Variants in GRM5 observed in about 807,000 individuals in gnomAD.
GRM5 encodes the protein glutamate metabotropic receptor 5.
GRM5 carries 19 observed loss-of-function variants against 83.1 expected under a neutral mutation model. The ratio of observed to expected loss-of-function variants is 0.23; its 90% confidence interval spans 0.16 to 0.34. The LOEUF (loss-of-function observed/expected upper bound fraction) is 0.34. GRM5 is among the 10% of genes least tolerant of loss of function. The pLI, the probability that GRM5 is intolerant of heterozygous loss-of-function variation, is 1.00. For synonymous variants in GRM5, 675 were observed against 633.6 expected (o/e 1.07, Z -0.98); for missense variants, 1,160 against 1,588.3 (o/e 0.73, Z 4.58).
intron 8 of GRM5, among the ~76,000 whole-genome samples, chr11:88,531,834 C>A (rs796852889): frequency 2.0e-5 from 3 of 152,170 alleles, no homozygotes; most frequent in African/African-American, 7.2e-5. Context: ...TTTTCTTTCG[C>A]CACTTTCTCT....
chr11:88,750,589 T>G (rs998289957), intron 3 of GRM5, among the ~76,000 whole-genome samples: 1 of 151,590 alleles, frequency 6.6e-6, no homozygotes, highest in African/African-American at 2.4e-5. Flanking sequence ...GTGGCCCTGA[T>G]AGATATCTAC....
At chr11:88,657,620 C>G (rs962483916) in intron 3 of GRM5, among the ~76,000 whole-genome samples, 1 of 152,128 alleles carries the variant, frequency 6.6e-6, no homozygotes, top group African/African-American at 2.4e-5. Context: ...CTTCCCCTTT[C>G]TCCTTTCAAC....
chr11:88,794,985 T>G (rs1943249291), intron 3 of GRM5, among the ~76,000 whole-genome samples: 1 of 152,216 alleles, frequency 6.6e-6, no homozygotes, highest in Admixed American at 6.5e-5. Context: ...AGAAAGAATT[T>G]CCACTGTGTG....
rs191252167 is a variant in GRM5 at position 88,899,588 on chromosome 11, T to G, written c.662-49433A>C. ...GACTGATTTACCACCAAAGATTACT[T>G]TATAATAATAACCTACAGTTTGAAA... On this transcript the variant is annotated intron_variant, in intron 2 of 9. Coordinates refer to ENST00000305447, the MANE Select transcript of GRM5 (RefSeq NM_001143831.3). Among the ~76,000 whole-genome samples the G allele has an allele frequency of 4.4e-4, 67 of 152,078 alleles. 2 individuals carry two copies. The East Asian group carries it at 0.012, about 27-fold the overall frequency.
chr11:88,720,821 CGTGTGTGT>C (rs869078157), intron 3 of GRM5, among the ~76,000 whole-genome samples: 1 of 137,148 alleles, frequency 7.3e-6, no homozygotes, highest in African/African-American at 2.7e-5. Flanking sequence ...TGTGTGTGTG[CGTGTGTGT>C]GTGTGTGTGT....
chr11:88,841,415 T>C (rs1206549261), intron 3 of GRM5, among the ~76,000 whole-genome samples: 2 of 152,186 alleles, frequency 1.3e-5, no homozygotes, highest in African/African-American at 4.8e-5. Context: ...TTTGAGTAAG[T>C]CATCCTTTAA....
At chr11:88,881,336 A>AC (rs1944950721) in intron 2 of GRM5, among the ~76,000 whole-genome samples, 1 of 151,850 alleles carries the variant, frequency 6.6e-6, no homozygotes, top group Non-Finnish European at 1.5e-5. Flanking sequence ...AAAAAAAAAA[A>AC]CTGTCACCTT....
chr11:88,607,471 C>G (rs538645769), intron 4 of GRM5, among the ~76,000 whole-genome samples: 2 of 152,286 alleles, frequency 1.3e-5, no homozygotes, highest in South Asian at 2.1e-4. Flanking sequence ...CCTGCTTTCT[C>G]CTTTTGCCCA....
At position 88,916,842 on chromosome 11, in the gene GRM5, A is replaced by G. The variant is rs181605376; in HGVS notation, c.662-66687T>C. On this transcript the variant is annotated intron_variant, in intron 2 of 9. Transcript: ENST00000305447. The stretch of plus-strand genomic sequence containing the variant: ...GTACAATAAAGCACAAATCTAATCC[A>G]TAAAGACCCCAATACTAGGACATAG... Among the ~76,000 whole-genome samples the G allele has an allele frequency of 1.4e-3, 212 of 152,250 alleles. 1 individual carries two copies. Among genetic ancestry groups the G allele is most frequent in the African/African-American group, 4.9e-3 (202 of 41,550 alleles).
At chr11:88,963,409 G>A (rs1186231875) in intron 2 of GRM5, among the ~76,000 whole-genome samples, 1 of 152,160 alleles carries the variant, frequency 6.6e-6, no homozygotes, top group Non-Finnish European at 1.5e-5. Context: ...TGCCATTTAT[G>A]TTAGTTTTGA....
chr11:88,921,918 C>CAAAAAA (rs59956434), intron 2 of GRM5, among the ~76,000 whole-genome samples: 2 of 149,690 alleles, frequency 1.3e-5, no homozygotes, highest in African/African-American at 4.9e-5. Flanking sequence ...AATAAAAATA[C>CAAAAAA]AAAAAAAACC....
intron 2 of GRM5, among the ~76,000 whole-genome samples, chr11:89,019,743 A>G (rs186247707): frequency 1.5e-4 from 23 of 152,196 alleles, no homozygotes; most frequent in Non-Finnish European, 2.6e-4. Context: ...TTTATCTCCA[A>G]TACTTCCCAA....
At chr11:88,785,853 T>C (rs1419507081) in intron 3 of GRM5, among the ~76,000 whole-genome samples, 2 of 152,060 alleles carry the variant, frequency 1.3e-5, no homozygotes, top group African/African-American at 4.8e-5. Context: ...GGGTGGAAAG[T>C]AAACTACTGG....
rs1941220099 is a variant in GRM5 at position 88,507,849 on chromosome 11, G to A, written c.*743C>T. On this transcript the variant is annotated 3_prime_UTR_variant, in exon 10 of 10. Coordinates refer to ENST00000305447, the MANE Select transcript of GRM5 (RefSeq NM_001143831.3). Reference sequence around the variant, plus strand: ...TGAAATAGTCAAGAAATCTTCCACTGGTTTTCTTGGTTAATGGAGGTGAAT... The same window carrying A: ...TGAAATAGTCAAGAAATCTTCCACTAGTTTTCTTGGTTAATGGAGGTGAAT... 2.0e-5 allele frequency: 3 copies of A among 152,608 alleles called. No homozygotes were observed. Among genetic ancestry groups the A allele is most frequent in the Admixed American group, 2.0e-4 (3 of 15,270 alleles). The allele number at this position is 152,608 out of a possible 1,614,324, so 9.5% of individuals were successfully genotyped here.
At chr11:88,611,880 A>C in intron 4 of GRM5, among the ~76,000 whole-genome samples, 1 of 148,800 alleles carries the variant, frequency 6.7e-6, no homozygotes, top group African/African-American at 2.4e-5. Context: ...CTTTCCTCCT[A>C]ATACTGCTTT....
intron 2 of GRM5, among the ~76,000 whole-genome samples, chr11:88,896,561 A>G (rs1945231326): frequency 6.6e-6 from 1 of 151,874 alleles, no homozygotes; most frequent in Admixed American, 6.6e-5. Flanking sequence ...TTACACAATT[A>G]TGGAAGCAAA....
At chr11:88,990,033 G>A (rs543161363) in intron 2 of GRM5, among the ~76,000 whole-genome samples, 2 of 151,658 alleles carry the variant, frequency 1.3e-5, no homozygotes, top group Non-Finnish European at 2.9e-5. Flanking sequence ...GAAGGAAGTA[G>A]AGACACAAAA....
intron 2 of GRM5, among the ~76,000 whole-genome samples, chr11:88,923,057 T>C (rs553608315): frequency 6.6e-6 from 1 of 152,112 alleles, no homozygotes; most frequent in Non-Finnish European, 1.5e-5. Flanking sequence ...ATGGCTCTTA[T>C]CCAAAAGACA....
chr11:88,640,455 T>A (rs1939258046), intron 4 of GRM5, among the ~76,000 whole-genome samples: 1 of 152,296 alleles, frequency 6.6e-6, no homozygotes, highest in South Asian at 2.1e-4. Context: ...TGGGGTTTTC[T>A]CCATGAATAA....
Sources: allele counts gnomAD v4.1 joint callset (sites outside exome capture counted in the v4.1 genomes callset), GRCh38; gene constraint gnomAD v4.1.1; transcripts MANE v1.5; gene names NCBI Gene and HGNC (gene_info 2026-07-23, HGNC 2026-07-21).